WWOX: variants seen among roughly 807,000 people sequenced by gnomAD.
WWOX encodes WW domain-containing oxidoreductase.
A neutral mutation model predicts 46.2 loss-of-function variants in WWOX; 69 were observed. The observed-to-expected ratio is 1.49, with a 90% CI of 1.23 to 1.82. The LOEUF (loss-of-function observed/expected upper bound fraction) is 1.82, where lower values mean the gene tolerates loss of function less well. Among genes scored for constraint, WWOX ranks in the 40% most tolerant of loss-of-function variants. The pLI, the probability that WWOX is intolerant of heterozygous loss-of-function variation, is 0.00. For missense variants in WWOX, 919 were observed against 542.6 expected (o/e 1.69, Z -6.89); for synonymous variants, 359 against 202.6 (o/e 1.77, Z -6.56).
intron 4 of WWOX, among the ~76,000 whole-genome samples, chr16:78,163,221 T>A (rs2034855629): frequency 6.6e-6 from 1 of 152,174 alleles, no homozygotes; most frequent in African/African-American, 2.4e-5. Flanking sequence ...GATAATGGTA[T>A]CTTCCTCCAG....
At chr16:78,543,963 T>C (rs2043961665) in intron 8 of WWOX, among the ~76,000 whole-genome samples, 1 of 152,162 alleles carries the variant, frequency 6.6e-6, no homozygotes, top group Non-Finnish European at 1.5e-5. Flanking sequence ...GAGGTTATGA[T>C]TAGAATACTG....
chr16:78,951,050 A>G (rs1163970946), intron 8 of WWOX, among the ~76,000 whole-genome samples: 3 of 152,210 alleles, frequency 2.0e-5, no homozygotes, highest in Admixed American at 2.0e-4. Flanking sequence ...ATTGTAGGAC[A>G]ATGAGAAGAG....
intron 8 of WWOX, among the ~76,000 whole-genome samples, chr16:78,597,085 G>A (rs190510561): frequency 1.3e-5 from 2 of 152,136 alleles, no homozygotes; most frequent in Non-Finnish European, 1.5e-5. Context: ...AGGTGCTTAC[G>A]ACCTGGGTGC....
rs71376394 is a variant in WWOX, at chr16:78,802,915, G to GAAAAAAAAAA, written c.1056+370181_1056+370190dup. Among the ~76,000 whole-genome samples, 31 of 10,446 alleles carry GAAAAAAAAAA rather than the reference G, an allele frequency of 3.0e-3. 2 individuals are homozygous for GAAAAAAAAAA. The highest frequency in any genetic ancestry group is 4.7e-3 in the Admixed American group (3 of 632). 6.9% of individuals were successfully genotyped at this position (10,446 alleles called of 152,430 possible). On this transcript the variant is annotated intron_variant, in intron 8 of 8. Transcript: ENST00000566780. ...TGGGTCACAGAGCAAGACTTCATCT[G>GAAAAAAAAAA]AAAAAAAAAAAAAAAAAAAAAAAAA...
At chr16:79,035,827 G>A (rs774231312) in intron 8 of WWOX, among the ~76,000 whole-genome samples, 14 of 152,212 alleles carry the variant, frequency 9.2e-5, no homozygotes, top group Admixed American at 1.3e-4. Context: ...AGTTGGTGCT[G>A]TGAACAGGGA....
chr16:78,984,588 G>A (rs1452728710), intron 8 of WWOX, among the ~76,000 whole-genome samples: 2 of 152,136 alleles, frequency 1.3e-5, no homozygotes, highest in Admixed American at 6.6e-5. Context: ...AACTTTGTTC[G>A]GAGAGATACT....
In WWOX at chr16:78,936,522, T is replaced by C. The variant is rs140924594; in HGVS notation, c.1057-275086T>C. On this transcript the variant is annotated intron_variant, in intron 8 of 8. Coordinates refer to ENST00000566780, the MANE Select transcript of WWOX (RefSeq NM_016373.4). ...AGCTGAGGCAACCTATTAAAACTCA[T>C]GCCAGTGGTAAAGTTAAGCTGCTTT... is the stretch of plus-strand genomic sequence containing the variant. 4.0e-3 allele frequency among the ~76,000 whole-genome samples: 607 copies of C among 152,256 alleles called. 5 individuals carry two copies. Among genetic ancestry groups the C allele is most frequent in the African/African-American group, 0.014 (586 of 41,558 alleles).
intron 8 of WWOX, among the ~76,000 whole-genome samples, chr16:78,572,023 A>G (rs1242172256): frequency 2.0e-5 from 3 of 152,222 alleles, no homozygotes; most frequent in Non-Finnish European, 4.4e-5. Context: ...TTTGGAAAAT[A>G]TTTTGGTATT....
At chr16:79,030,652 G>C (rs1044318924) in intron 8 of WWOX, among the ~76,000 whole-genome samples, 2 of 152,218 alleles carry the variant, frequency 1.3e-5, no homozygotes, top group African/African-American at 4.8e-5. Context: ...GTTTGGCTTT[G>C]AAGCATCATG....
At chr16:79,094,950 G>A (rs2049039246) in intron 8 of WWOX, among the ~76,000 whole-genome samples, 1 of 152,054 alleles carries the variant, frequency 6.6e-6, no homozygotes, top group Non-Finnish European at 1.5e-5. Context: ...TTTGCCAATC[G>A]CCTGGTCAGC....
chr16:78,981,717 G>T (rs925366454), intron 8 of WWOX: 1 of 152,274 alleles, frequency 6.6e-6, no homozygotes, highest in Admixed American at 6.5e-5. Flanking sequence ...GTGAGACATT[G>T]TGCCCAGCTT....
intron 8 of WWOX, among the ~76,000 whole-genome samples, chr16:79,017,819 G>T (rs759631445): frequency 3.9e-5 from 6 of 151,970 alleles, no homozygotes; most frequent in Non-Finnish European, 5.9e-5. Flanking sequence ...AGATTATCCA[G>T]AACAGGTGGG....
In WWOX at chr16:78,906,029, G is replaced by C. The variant is rs184010495; in HGVS notation, c.1057-305579G>C. Among the ~76,000 whole-genome samples the C allele has an allele frequency of 4.1e-3, 263 of 63,486 alleles. 6 individuals are homozygous for C. The highest frequency in any genetic ancestry group is 0.03 in the Admixed American group (215 of 7,244). The allele number at this position is 63,486 out of a possible 152,430, so 41.6% of individuals were successfully genotyped here. ...GTATTTTTGGGATGAATGCAATGAT[G>C]GATGAATGAATGAATGAATGAATAA... is the stretch of plus-strand genomic sequence containing the variant. On this transcript the variant is annotated intron_variant, in intron 8 of 8. Transcript: ENST00000566780.
At position 79,068,975 on chromosome 16, in the gene WWOX, C is replaced by T. The variant is rs539500734; in HGVS notation, c.1057-142633C>T. 1.3e-4 allele frequency among the ~76,000 whole-genome samples: 20 copies of T among 152,172 alleles called. 1 individual carries two copies. The highest frequency in any genetic ancestry group is 1.1e-3 in the Admixed American group (17 of 15,280). On this transcript the variant is annotated intron_variant, in intron 8 of 8. Coordinates refer to ENST00000566780, the MANE Select transcript of WWOX (RefSeq NM_016373.4). Reference sequence around the variant, plus strand: ...ATTTCACAGTTGTCTTACGCACAGGCGTAAGATATGCATCTATCTTGGTGT... The same window carrying T: ...ATTTCACAGTTGTCTTACGCACAGGTGTAAGATATGCATCTATCTTGGTGT...
At chr16:79,023,638 C>T (rs774371932) in intron 8 of WWOX, among the ~76,000 whole-genome samples, 22 of 151,988 alleles carry the variant, frequency 1.4e-4, no homozygotes, top group African/African-American at 2.2e-4. Context: ...TCAAACATTA[C>T]GCTGGACGTG....
chr16:79,021,840 C>G (rs1410410316), intron 8 of WWOX, among the ~76,000 whole-genome samples: 2 of 152,212 alleles, frequency 1.3e-5, no homozygotes, highest in African/African-American at 4.8e-5. Flanking sequence ...TGTTCAATCA[C>G]ACATACACAC....
In WWOX at chr16:78,120,877, A is replaced by G. The variant is rs573464294; in HGVS notation, c.409+5723A>G. Among the ~76,000 whole-genome samples, 27 of 152,274 alleles carry G rather than the reference A, an allele frequency of 1.8e-4. No homozygotes were observed. The East Asian group carries it at 4.8e-3, about 27-fold the overall frequency. ...TAAGATTTTAAATCCACACTTCCCA[A>G]TTATGGACTACGCCAGCTTCCTTTA... is the stretch of plus-strand genomic sequence containing the variant. On this transcript the variant is annotated intron_variant, in intron 4 of 8. Coordinates refer to ENST00000566780, the MANE Select transcript of WWOX (RefSeq NM_016373.4).
chr16:79,071,562 C>A (rs1341367874), intron 8 of WWOX, among the ~76,000 whole-genome samples: 21 of 152,148 alleles, frequency 1.4e-4, no homozygotes, highest in Admixed American at 1.4e-3. Context: ...TTTTAGAGTC[C>A]TAAGAAAGGC....
chr16:78,584,714 A>G (rs2045150918), intron 8 of WWOX, among the ~76,000 whole-genome samples: 1 of 152,228 alleles, frequency 6.6e-6, no homozygotes, highest in African/African-American at 2.4e-5. Context: ...AATAGCAGTT[A>G]GCTTACCAGG....
Sources: allele counts gnomAD v4.1 joint callset (sites outside exome capture counted in the v4.1 genomes callset), GRCh38; gene constraint gnomAD v4.1.1; transcripts MANE v1.5; gene names NCBI Gene and HGNC (gene_info 2026-07-23, HGNC 2026-07-21).